The following GALK2 variants were observed in gnomAD, a reference collection of about 807,000 sequenced individuals.
GALK2 encodes the protein N-acetylgalactosamine kinase.
A neutral mutation model predicts 52.4 loss-of-function variants in GALK2; 36 were observed. The observed-to-expected ratio is 0.69, with a 90% confidence interval of 0.53 to 0.91. The LOEUF (loss-of-function observed/expected upper bound fraction) is 0.91. GALK2 is among the 40% of genes least tolerant of loss of function. The pLI, the probability that GALK2 is intolerant of heterozygous loss-of-function variation, is 0.00. For synonymous variants in GALK2, 176 were observed against 199.1 expected (o/e 0.88, Z 0.98); for missense variants, 579 against 559.1 (o/e 1.04, Z -0.36).
At chr15:49,225,270 G>T (rs141323570) in intron 3 of GALK2, 20 of 455,816 alleles carry the variant, frequency 4.4e-5, no homozygotes, top group Middle Eastern at 3.3e-4. Flanking sequence ...CACCATTCTT[G>T]GACTGGTCCT....
At chr15:49,269,665 C>A (rs1450851946) in intron 5 of GALK2, among the ~76,000 whole-genome samples, 2 of 152,090 alleles carry the variant, frequency 1.3e-5, no homozygotes. Context: ...TGTCTCTGAA[C>A]CCCAGAACTC....
At chr15:49,234,059 C>G (rs2141472554) in intron 3 of GALK2, among the ~76,000 whole-genome samples, 1 of 152,222 alleles carries the variant, frequency 6.6e-6, no homozygotes, top group South Asian at 2.1e-4. Context: ...TGGAAGGCAT[C>G]TATTACAATG....
At chr15:49,284,842 C>A (rs2033158957) in intron 7 of GALK2, among the ~76,000 whole-genome samples, 1 of 152,110 alleles carries the variant, frequency 6.6e-6, no homozygotes, top group African/African-American at 2.4e-5. Context: ...TCAAAGCCAG[C>A]CCTTCCATGT....
At chr15:49,365,295 C>T (rs138786414) in intron 3 of GALK2, 9 of 1,543,304 alleles carry the variant, frequency 5.8e-6, no homozygotes, top group Non-Finnish European at 8.1e-6. Context: ...TAGAGGAGAG[C>T]AGGTTGCCCC....
intron 1 of GALK2, among the ~76,000 whole-genome samples, chr15:49,182,692 G>A (rs1446468179): frequency 1.3e-5 from 2 of 152,072 alleles, no homozygotes; most frequent in African/African-American, 4.8e-5. Flanking sequence ...TGTAGCTTGG[G>A]TGAGATGTTA....
chr15:49,294,586 T>C (rs773526770), intron 8 of GALK2, among the ~76,000 whole-genome samples: 2 of 152,216 alleles, frequency 1.3e-5, no homozygotes, highest in Non-Finnish European at 2.9e-5. Context: ...ACCTGAGATA[T>C]TGATTTCTTT....
chr15:49,176,469 T>A (rs1168962644), intron 1 of GALK2, among the ~76,000 whole-genome samples: 1 of 152,242 alleles, frequency 6.6e-6, no homozygotes, highest in East Asian at 1.9e-4. Context: ...TGCCTCACTT[T>A]TTTTGTCTTT....
At chr15:49,350,019 A>C (rs1438090821) in intron 3 of GALK2, among the ~76,000 whole-genome samples, 1 of 152,226 alleles carries the variant, frequency 6.6e-6, no homozygotes, top group Admixed American at 6.5e-5. Context: ...TAAACTCTTA[A>C]GCCCCTAAAC....
upstream of GALK2, among the ~76,000 whole-genome samples, chr15:49,165,800 CT>C (rs552058665): frequency 1.7e-3 from 225 of 134,682 alleles, no homozygotes; most frequent in Admixed American, 2.3e-3. Flanking sequence ...TAATGTATTT[CT>C]TTTTTTTTTT....
intron 2 of GALK2, among the ~76,000 whole-genome samples, chr15:49,203,047 A>G (rs1207910716): frequency 1.3e-5 from 2 of 151,790 alleles, no homozygotes; most frequent in East Asian, 1.9e-4. Flanking sequence ...ATTTTATTTT[A>G]TTTTATTAAT....
At chr15:49,165,800 C>CT (rs552058665), upstream of GALK2, among the ~76,000 whole-genome samples, 31,519 of 134,680 alleles carry the variant, frequency 0.23, 3,762 homozygotes, top group African/African-American at 0.27. Context: ...TAATGTATTT[C>CT]TTTTTTTTTT....
intron 7 of GALK2, among the ~76,000 whole-genome samples, chr15:49,287,560 T>C (rs2141797388): frequency 6.6e-6 from 1 of 152,284 alleles, no homozygotes; most frequent in East Asian, 1.9e-4. Flanking sequence ...AACATGTGAA[T>C]GAATATAATT....
chr15:49,203,880 C>T (rs1034970991), intron 2 of GALK2, among the ~76,000 whole-genome samples: 9 of 152,030 alleles, frequency 5.9e-5, no homozygotes, highest in Non-Finnish European at 7.4e-5. Flanking sequence ...TTTAGGAAGC[C>T]GAGGAGGGTG....
At chr15:49,173,399 A>G (rs1036241699) in intron 1 of GALK2, among the ~76,000 whole-genome samples, 1 of 152,192 alleles carries the variant, frequency 6.6e-6, no homozygotes, top group Non-Finnish European at 1.5e-5. Flanking sequence ...TCTCTATTCT[A>G]CCAGTTGAGC....
intron 3 of GALK2, among the ~76,000 whole-genome samples, chr15:49,363,688 C>G (rs948245925): frequency 1.3e-5 from 2 of 152,086 alleles, no homozygotes; most frequent in Non-Finnish European, 2.9e-5. Flanking sequence ...GAGTGGGTAT[C>G]CTTGTCTTGT....
Position 49,316,632 on chromosome 15 carries a change from T to C in GALK2, c.968-2972T>C, listed in dbSNP as rs552029381. 1.2e-4 allele frequency among the ~76,000 whole-genome samples: 18 copies of C among 151,508 alleles called. No individual in the cohort carries two copies. In the East Asian group the frequency reaches 3.5e-3, roughly 29 times the overall value. On this transcript the variant is annotated intron_variant, in intron 8 of 9. Coordinates refer to ENST00000560031, the MANE Select transcript of GALK2 (RefSeq NM_002044.4). The stretch of plus-strand genomic sequence containing the variant: ...AGTATAATACAAATAAATAAATAAA[T>C]AAACAAGAAAAATCAAGGGCAAAAA...
chr15:49,234,894 G>A (rs1257967246), intron 3 of GALK2, among the ~76,000 whole-genome samples: 1 of 152,022 alleles, frequency 6.6e-6, no homozygotes, highest in Non-Finnish European at 1.5e-5. Flanking sequence ...AGCCTCCTGA[G>A]TAGCTGGGAC....
intron 3 of GALK2, among the ~76,000 whole-genome samples, chr15:49,355,922 T>C (rs2043080880): frequency 1.3e-5 from 2 of 150,602 alleles, no homozygotes; most frequent in South Asian, 2.1e-4. Flanking sequence ...CAGAAGAGAG[T>C]GGGGGCCAAT....
chr15:49,332,089 A>C (rs79670915), downstream of GALK2, among the ~76,000 whole-genome samples: 533 of 21,164 alleles, frequency 0.025, 5 homozygotes, highest in African/African-American at 0.12. Flanking sequence ...CACACGTGCC[A>C]CACACACACA....
Sources: gnomAD v4.1 joint callset for allele counts (sites outside exome capture counted in the v4.1 genomes callset) on GRCh38, gnomAD v4.1.1 for gene constraint, MANE v1.5 for transcripts, NCBI Gene and HGNC (gene_info 2026-07-23, HGNC 2026-07-21) for gene names.